The following AP2A1 variants were observed in gnomAD, a reference collection of about 807,000 sequenced individuals.
AP2A1 encodes adaptor related protein complex 2 subunit alpha 1.
Under a neutral mutation model 107.3 loss-of-function variants are expected in AP2A1, and 21 were observed. That is an observed-to-expected ratio of 0.20 (90% CI 0.14 to 0.28). The LOEUF (loss-of-function observed/expected upper bound fraction) is 0.28. Among genes scored for constraint, AP2A1 ranks in the 10% least tolerant of loss-of-function variants. AP2A1 has a pLI of 1.00. For synonymous variants in AP2A1, 602 were observed against 564.8 expected (o/e 1.07, Z -0.93); for missense variants, 873 against 1,307.7 (o/e 0.67, Z 5.13).
chr19:49,801,130 G>C, intron 12 of AP2A1, 72 bp downstream of exon 12: 1 of 1,417,300 alleles, frequency 7.1e-7, no homozygotes, highest in Non-Finnish European at 9.5e-7. Context: ...GGATCCCCAG[G>C]GGTCTCAGGG....
chr19:49,795,587 T>TCCCCCC, intron 6 of AP2A1, 43 bp from the exon 7 acceptor site: 1 of 292,412 alleles, frequency 3.4e-6, no homozygotes, highest in Admixed American at 5.6e-5. Context: ...CACGTGCCCC[T>TCCCCCC]CCCACCCCAG....
Position 49,782,593 on chromosome 19 carries a change from C to T in AP2A1, c.342C>T (p.Asn114=), listed in dbSNP as rs530097153. Residue 114 remains asparagine, a synonymous_variant, in exon 4 of 23, where the codon AAC becomes AAT. Coordinates refer to ENST00000354293, the MANE Select transcript of AP2A1 (RefSeq NM_130787.3). ...SNSELIRLIN[N]AIKNDLASRN... ...CGGAGCTGATCCGCCTCATCAACAA[C>T]GCCATCAAGAATGACCTGGCCAGCC... The T allele has an allele frequency of 4.2e-5, 68 of 1,613,774 alleles. No individual in the cohort carries two copies. Among genetic ancestry groups the T allele is most frequent in the Admixed American group, 1.5e-4 (9 of 59,982 alleles).
Position 49,805,740 on chromosome 19 carries a change from G to A in AP2A1, c.2548G>A (p.Ala850Thr). 1.4e-6 allele frequency: 2 copies of A among 1,447,430 alleles called. No individual in the cohort carries two copies. Among genetic ancestry groups the A allele is most frequent in the Non-Finnish European group, 1.8e-6 (2 of 1,081,662 alleles). The allele number at this position is 1,447,430 out of a possible 1,614,324, so 89.7% of individuals were successfully genotyped here. Residue 850 changes from alanine (A) to threonine (T), a missense_variant, in exon 20 of 23, where the codon GCC becomes ACC. Physicochemically the swap from Ala to Thr is moderately conservative, Grantham distance 58. Transcript: ENST00000354293. ...NKFFQPTEMAAQDFFQRWKQL... is the reference protein window; with the variant it reads ...NKFFQPTEMATQDFFQRWKQL... Reference sequence around the variant, plus strand: ...GTTCTTCCAGCCCACCGAGATGGCGGCCCAGGATTTCTTCCAGCGCTGGAA... The same window carrying A: ...GTTCTTCCAGCCCACCGAGATGGCGACCCAGGATTTCTTCCAGCGCTGGAA...
intron 1 of AP2A1, 110 bp downstream of exon 1, chr19:49,767,310 A>G: frequency 7.3e-7 from 1 of 1,360,814 alleles, no homozygotes; most frequent in Non-Finnish European, 1.0e-6. Context: ...CTGCGGCCGT[A>G]TAGGGACAGC....
chr19:49,792,195 A>T (rs1306237274), intron 5 of AP2A1, 131 bp downstream of exon 5: 3 of 675,186 alleles, frequency 4.4e-6, no homozygotes, highest in African/African-American at 3.4e-5. Context: ...CAGCCCACGC[A>T]CCCCCTGGAT....
At chr19:49,806,626 G>A (rs116763803) in intron 22 of AP2A1, 55 bp from the exon 23 acceptor site, 24,185 of 1,608,694 alleles carry the variant, frequency 0.015, 471 homozygotes, top group South Asian at 0.068. Context: ...CTTGGGTCCC[G>A]ACTTCCCTGG....
chr19:49,792,873 C>T (rs1038765723), intron 5 of AP2A1, 118 bp from the exon 6 acceptor site: 2 of 887,434 alleles, frequency 2.3e-6, no homozygotes, highest in Non-Finnish European at 3.5e-6. Flanking sequence ...CATGTGCACA[C>T]CCCTAAACCC....
At chr19:49,801,086 A>C in intron 12 of AP2A1, 28 bp downstream of exon 12, 1 of 1,566,904 alleles carries the variant, frequency 6.4e-7, no homozygotes, top group Non-Finnish European at 8.7e-7. Flanking sequence ...TGCAGGGGAG[A>C]ACACACATGC....
intron 6 of AP2A1, among the ~76,000 whole-genome samples, chr19:49,795,215 G>A (rs1365399875): frequency 3.3e-5 from 5 of 152,162 alleles, no homozygotes; most frequent in African/African-American, 9.7e-5. Flanking sequence ...TCACACAGAA[G>A]GGAACCAGCA....
Position 49,805,717 on chromosome 19 carries a change from T to G in AP2A1, c.2525T>G (p.Phe842Cys). ...AAGCTCCCAGTGACCATCAACAAGT[T>G]CTTCCAGCCCACCGAGATGGCGGCC... ...TLKLPVTINK[F>C]FQPTEMAAQD... is the part of the protein sequence containing the mutation. The change falls in exon 20 of 23, where the codon TTC becomes TGC. Residue 842 changes from phenylalanine to cysteine, a missense_variant. Phe to Cys is a radical substitution (Grantham distance 205). Coordinates refer to ENST00000354293, the MANE Select transcript of AP2A1 (RefSeq NM_130787.3). 6.4e-7 allele frequency: 1 copy of G among 1,554,996 alleles called. No individual in the cohort carries two copies. Among genetic ancestry groups the G allele is most frequent in the Non-Finnish European group, 8.7e-7 (1 of 1,152,756 alleles).
In AP2A1 at chr19:49,802,121, C is replaced by T. The variant is rs1568587892; in HGVS notation, c.2094C>T (p.Thr698=). The change falls in exon 15 of 23, where the codon ACC becomes ACT. Residue 698 remains threonine (T), a synonymous_variant. Coordinates refer to ENST00000354293, the MANE Select transcript of AP2A1 (RefSeq NM_130787.3). ...CCGCCCAGCCCAGCCTGGGGCCCACCCCCGAGGAGGCCTTCCTCAGGTAGC... is the reference window on the plus strand; with the variant it reads ...CCGCCCAGCCCAGCCTGGGGCCCACTCCCGAGGAGGCCTTCCTCAGGTAGC... ...GPAAQPSLGP[T]PEEAFLSPGP... 12 of 1,578,106 alleles carry T rather than the reference C, an allele frequency of 7.6e-6. No individual in the cohort carries two copies. The highest frequency in any genetic ancestry group is 1.0e-5 in the Non-Finnish European group (12 of 1,168,728).
At chr19:49,806,377 C>T in intron 22 of AP2A1, 124 bp downstream of exon 22, 1 of 1,437,954 alleles carries the variant, frequency 7.0e-7, no homozygotes, top group Non-Finnish European at 9.1e-7. Context: ...TCTCACATTT[C>T]TTTGTCCACT....
rs978903251 is a variant in AP2A1 at position 49,801,330 on chromosome 19, G to A, written c.1554-60G>A. The A allele has an allele frequency of 2.6e-5, 39 of 1,525,126 alleles. No homozygotes were observed. In the African/African-American group the frequency reaches 4.0e-4, roughly 15 times the overall value. The allele number at this position is 1,525,126 out of a possible 1,614,324, so 94.5% of individuals were successfully genotyped here. A position where few individuals can be genotyped will look rare whatever the true frequency, so the allele number is the denominator to read the frequency against. Reference sequence around the variant, plus strand: ...CATCCTAGGGAGGGGCACCTCTCGAGGGGGTTTCTGGGAGAGGGCAGTGGA... The same window carrying A: ...CATCCTAGGGAGGGGCACCTCTCGAAGGGGTTTCTGGGAGAGGGCAGTGGA... On this transcript the variant is annotated intron_variant, in intron 12 of 22. Transcript: ENST00000354293.
rs1568579509 is a variant in AP2A1, at chr19:49,787,351, TTTG to T, written c.474-4581_474-4579del. Among the ~76,000 whole-genome samples the T allele has an allele frequency of 2.1e-4, 25 of 116,822 alleles. 1 individual carries two copies. The highest frequency in any genetic ancestry group is 3.2e-4 in the South Asian group (1 of 3,154). 76.6% of individuals were successfully genotyped at this position (116,822 alleles called of 152,430 possible). A position where few individuals can be genotyped will look rare whatever the true frequency, so the allele number is the denominator to read the frequency against. ...CTTTTTTTGTTTGTTTTTTTTGTTT[TTTG>T]TTTTTTTTTTTTTGAGGCAGTCTCT... On this transcript the variant is annotated intron_variant, in intron 4 of 22. Transcript: ENST00000354293.
intron 1 of AP2A1, among the ~76,000 whole-genome samples, chr19:49,779,606 A>G (rs532374391): frequency 1.6e-4 from 25 of 151,716 alleles, no homozygotes; most frequent in Non-Finnish European, 1.0e-4. Flanking sequence ...TATAATTTGT[A>G]TTGTTTTATT....
intron 1 of AP2A1, among the ~76,000 whole-genome samples, chr19:49,772,519 G>A (rs1232718915): frequency 6.9e-5 from 10 of 145,734 alleles, no homozygotes; most frequent in Non-Finnish European, 1.4e-4. Context: ...TTTTGGAAAC[G>A]GAGTCTCGCT....
At chr19:49,800,488 C>T (rs1269362547) in intron 11 of AP2A1, among the ~76,000 whole-genome samples, 1 of 152,168 alleles carries the variant, frequency 6.6e-6, no homozygotes, top group Admixed American at 6.5e-5. Flanking sequence ...GACGGAGTCT[C>T]ACTCTGTTGC....
At chr19:49,778,577 G>A (rs2084640564) in intron 1 of AP2A1, among the ~76,000 whole-genome samples, 1 of 151,996 alleles carries the variant, frequency 6.6e-6, no homozygotes, top group Non-Finnish European at 1.5e-5. Context: ...GAGTGAAACT[G>A]CGTCTCAAGA....
At chr19:49,803,250 G>T in intron 17 of AP2A1, 37 bp from the exon 18 acceptor site, 1 of 1,612,522 alleles carries the variant, frequency 6.2e-7, no homozygotes. Flanking sequence ...GGGTCAGAGG[G>T]ACTCAGATGG....
Sources: allele counts gnomAD v4.1 joint callset (sites outside exome capture counted in the v4.1 genomes callset), GRCh38; gene constraint gnomAD v4.1.1; transcripts MANE v1.5; gene names NCBI Gene and HGNC (gene_info 2026-07-23, HGNC 2026-07-21).